Variants in MCF2 observed in about 807,000 individuals in gnomAD.
MCF2 encodes the protein proto-oncogene DBL.
Under a neutral mutation model 82.5 loss-of-function variants are expected in MCF2, and 44 were observed. That is an observed-to-expected ratio of 0.53 (90% CI 0.42 to 0.69). The LOEUF (loss-of-function observed/expected upper bound fraction) is 0.69. Ranked by LOEUF, MCF2 falls within the 30% of genes least tolerant of loss-of-function variation. The pLI, the probability that MCF2 is intolerant of heterozygous loss-of-function variation, is 0.00. For synonymous variants in MCF2, 217 were observed against 224.9 expected (o/e 0.96, Z 0.32); for missense variants, 623 against 663.1 (o/e 0.94, Z 0.66).
intron 2 of MCF2, among the ~76,000 whole-genome samples, chrX:139,648,812 C>G (rs1403070597): frequency 8.9e-6 from 1 of 112,220 alleles, no homozygotes; most frequent in Non-Finnish European, 1.9e-5. Context: ...TTAAAATGAT[C>G]ATTTGATCAT....
chrX:139,616,011 A>G (rs1203287102), intron 9 of MCF2, among the ~76,000 whole-genome samples: 2 of 111,971 alleles, frequency 1.8e-5, no homozygotes, highest in African/African-American at 6.5e-5. Flanking sequence ...CCAGTGATGC[A>G]CAACAAAATA....
intron 15 of MCF2, among the ~76,000 whole-genome samples, chrX:139,604,038 C>A (rs1307808444): frequency 9.0e-6 from 1 of 111,028 alleles, no homozygotes; most frequent in Non-Finnish European, 1.9e-5. Flanking sequence ...AGAGAAACTG[C>A]ATAAGCAGAG....
At chrX:139,654,154 G>A (rs769392877) in intron 1 of MCF2, among the ~76,000 whole-genome samples, 34 of 111,400 alleles carry the variant, frequency 3.1e-4, no homozygotes, top group African/African-American at 1.0e-3. Context: ...TTTTGAATAT[G>A]TACCCAGAGT....
chrX:139,664,848 A>G (rs1470268227), intron 1 of MCF2, among the ~76,000 whole-genome samples: 1 of 111,694 alleles, frequency 9.0e-6, no homozygotes, highest in Non-Finnish European at 1.9e-5. Context: ...TGGGTATCAC[A>G]GCTGGTTATT....
intron 2 of MCF2, among the ~76,000 whole-genome samples, chrX:139,648,215 T>C (rs1933868187): frequency 9.1e-6 from 1 of 109,446 alleles, no homozygotes; most frequent in African/African-American, 3.3e-5. Context: ...CTACCAAAAA[T>C]ACAAAAATTA....
chrX:139,707,262 T>G (rs1326688563), intron 1 of MCF2, among the ~76,000 whole-genome samples: 3 of 110,823 alleles, frequency 2.7e-5, no homozygotes. Context: ...CCTTTCATTC[T>G]GAGAAGACCT....
intron 1 of MCF2, among the ~76,000 whole-genome samples, chrX:139,666,850 T>C (rs761199742): frequency 8.9e-6 from 1 of 111,984 alleles, no homozygotes; most frequent in Non-Finnish European, 1.9e-5. Context: ...ATAATTCATA[T>C]GTTCAGTAGC....
Position 139,664,915 on chromosome X carries a change from C to T in MCF2, c.-44-13127G>A, listed in dbSNP as rs1301495382. 2.7e-5 allele frequency among the ~76,000 whole-genome samples: 3 copies of T among 111,338 alleles called. No homozygotes were observed. The Admixed American group carries it at 2.9e-4, about 11-fold the overall frequency. On this transcript the variant is annotated intron_variant, in intron 1 of 27. Transcript: ENST00000414978. ...ATGGATCCTACCTGGATAGGCTTTT[C>T]CCCTTCAAGGCAGTAGGTTCCCTTG...
intron 1 of MCF2, among the ~76,000 whole-genome samples, chrX:139,694,734 T>C (rs1935346665): frequency 9.0e-6 from 1 of 110,874 alleles, no homozygotes; most frequent in South Asian, 3.8e-4. Flanking sequence ...TAGCCCCAAA[T>C]TGGAAGCAAC....
At position 139,612,540 on chromosome X, in the gene MCF2, G is replaced by GA. The variant is rs368901985; in HGVS notation, c.1364-2203dup. On this transcript the variant is annotated intron_variant, in intron 10 of 24. Coordinates refer to ENST00000370576, the Ensembl canonical transcript of MCF2. ...TGCAGAATTATATTTAATGCAAAAAGAAAAAAAAAAACTAAAATAAAACCA... is the reference window on the plus strand; with the variant it reads ...TGCAGAATTATATTTAATGCAAAAAGAAAAAAAAAAAACTAAAATAAAACCA... Among the ~76,000 whole-genome samples, 98 of 97,448 alleles carry GA rather than the reference G, an allele frequency of 1.0e-3. 1 individual carries two copies. The highest frequency in any genetic ancestry group is 5.1e-3 in the Middle Eastern group (1 of 195). The allele number at this position is 97,448 out of a possible 115,157, so 84.6% of individuals were successfully genotyped here.
chrX:139,658,679 T>G (rs866923639), intron 1 of MCF2, among the ~76,000 whole-genome samples: 37 of 95,849 alleles, frequency 3.9e-4, no homozygotes, highest in African/African-American at 7.2e-4. Context: ...TTTTTTTTTT[T>G]TTTTTTTTTT....
intron 1 of MCF2, among the ~76,000 whole-genome samples, chrX:139,697,091 C>G (rs1195579653): frequency 9.0e-6 from 1 of 111,632 alleles, no homozygotes; most frequent in East Asian, 2.8e-4. Flanking sequence ...CCAGCAAACC[C>G]CTGCTTCAGG....
exon 16 of MCF2, chrX:139,602,411 A>G: frequency 8.4e-7 from 1 of 1,185,956 alleles, no homozygotes; most frequent in Non-Finnish European, 1.1e-6. Context: ...TGTACCTGGA[A>G]AAATGCGCAT....
At chrX:139,623,414 A>G (rs895085662) in intron 6 of MCF2, among the ~76,000 whole-genome samples, 1 of 111,711 alleles carries the variant, frequency 9.0e-6, no homozygotes, top group Non-Finnish European at 1.9e-5. Flanking sequence ...AAACAAAATC[A>G]TGTCTTTTGC....
intron 2 of MCF2, among the ~76,000 whole-genome samples, chrX:139,650,237 C>T (rs1344717287): frequency 1.8e-5 from 2 of 111,393 alleles, no homozygotes; most frequent in African/African-American, 6.5e-5. Context: ...TCCTATAGTT[C>T]CAGTGACTCA....
chrX:139,629,978 G>T, intron 3 of MCF2, 134 bp from the exon 7 acceptor site: 1 of 410,174 alleles, frequency 2.4e-6, no homozygotes, highest in Non-Finnish European at 4.2e-6. Context: ...CTCTGCTAGA[G>T]AAATATGGCA....
chrX:139,668,859 T>C lies in MCF2; in HGVS notation c.-44-17071A>G, dbSNP rs148464038. Among the ~76,000 whole-genome samples, 447 of 110,834 alleles carry C rather than the reference T, an allele frequency of 4.0e-3. 7 individuals are homozygous for C. The East Asian group carries it at 0.095, about 23-fold the overall frequency. ...GTGATGAAATAACAGGATATCTACATATGTCATATATATATGTATATATAT... is the reference window on the plus strand; with the variant it reads ...GTGATGAAATAACAGGATATCTACACATGTCATATATATATGTATATATAT... On this transcript the variant is annotated intron_variant, in intron 1 of 27. Transcript: ENST00000414978.
chrX:139,613,449 A>G (rs535304707), intron 10 of MCF2, among the ~76,000 whole-genome samples, 186 bp from the exon 14 acceptor site: 1 of 112,250 alleles, frequency 8.9e-6, no homozygotes, highest in African/African-American at 3.2e-5. Context: ...ATTTTAGAGG[A>G]CAATTAAGCA....
In MCF2 at chrX:139,670,774, C is replaced by T. The variant is rs773674128; in HGVS notation, c.-44-18986G>A. Among the ~76,000 whole-genome samples the T allele has an allele frequency of 1.5e-4, 17 of 111,977 alleles. No individual in the cohort carries two copies. In the East Asian group the frequency reaches 3.7e-3, roughly 24 times the overall value. ...TGTGAATAGTGCTGCAATAAACATA[C>T]GTGTGCATGTGTCTTTATAGTAGCA... On this transcript the variant is annotated intron_variant, in intron 1 of 27. Coordinates refer to the MCF2 transcript ENST00000414978.
Sources: gnomAD v4.1 joint callset for allele counts (sites outside exome capture counted in the v4.1 genomes callset) on GRCh38, gnomAD v4.1.1 for gene constraint, MANE v1.5 for transcripts, NCBI Gene and HGNC (gene_info 2026-07-23, HGNC 2026-07-21) for gene names.